GALNTL6: variants seen among roughly 807,000 people sequenced by gnomAD.
The protein encoded by GALNTL6 is polypeptide N-acetylgalactosaminyltransferase like 6, also known as polypeptide N-acetylgalactosaminyltransferase-like 6.
A neutral mutation model predicts 73.7 loss-of-function variants in GALNTL6; 46 were observed. That is an observed-to-expected ratio of 0.62 (90% confidence interval 0.49 to 0.80). The LOEUF is 0.80. GALNTL6 is among the 30% of genes least tolerant of loss of function. The pLI, the probability that GALNTL6 is intolerant of heterozygous loss-of-function variation, is 0.00. For synonymous variants in GALNTL6, 259 were observed against 263.7 expected (o/e 0.98, Z 0.17); for missense variants, 604 against 755.0 (o/e 0.80, Z 2.34).
intron 5 of GALNTL6, among the ~76,000 whole-genome samples, chr4:172,695,135 G>A (rs890926735): frequency 6.6e-6 from 1 of 152,120 alleles, no homozygotes; most frequent in Non-Finnish European, 1.5e-5. Flanking sequence ...CCCTATAAAT[G>A]TCAGTCCTCT....
chr4:172,892,785 T>C (rs981627027), intron 8 of GALNTL6, among the ~76,000 whole-genome samples: 3 of 152,140 alleles, frequency 2.0e-5, no homozygotes, highest in African/African-American at 4.8e-5. Flanking sequence ...TTTTCAATTA[T>C]TGGTGTTGCC....
At chr4:172,259,925 T>C (rs1738200878) in intron 3 of GALNTL6, among the ~76,000 whole-genome samples, 1 of 151,770 alleles carries the variant, frequency 6.6e-6, no homozygotes, top group Admixed American at 6.6e-5. Flanking sequence ...TGTAAGTGTT[T>C]GGGTTTATTT....
At chr4:171,895,797 A>G (rs1033058067) in intron 2 of GALNTL6, among the ~76,000 whole-genome samples, 2 of 152,188 alleles carry the variant, frequency 1.3e-5, no homozygotes, top group South Asian at 2.1e-4. Context: ...ACCATACTCA[A>G]TTACATAAAA....
At chr4:172,546,798 G>GTA (rs74218672) in intron 5 of GALNTL6, among the ~76,000 whole-genome samples, 651 of 14,664 alleles carry the variant, frequency 0.044, 27 homozygotes, top group Middle Eastern at 0.059. Flanking sequence ...ATATATATAC[G>GTA]TATATATACG....
At chr4:172,605,024 A>T (rs1330287387) in intron 5 of GALNTL6, among the ~76,000 whole-genome samples, 1 of 152,208 alleles carries the variant, frequency 6.6e-6, no homozygotes, top group Non-Finnish European at 1.5e-5. Flanking sequence ...CACTTTTGTA[A>T]CTGTGAAAGC....
At chr4:172,813,467 C>G in intron 6 of GALNTL6, 73 bp from the exon 7 acceptor site, 1 of 1,300,400 alleles carries the variant, frequency 7.7e-7, no homozygotes, top group Non-Finnish European at 1.1e-6. Flanking sequence ...GGACTGTAGG[C>G]TTCTCTTTGC....
intron 7 of GALNTL6, among the ~76,000 whole-genome samples, chr4:172,863,538 A>G (rs940061843): frequency 6.6e-6 from 1 of 152,210 alleles, no homozygotes; most frequent in African/African-American, 2.4e-5. Flanking sequence ...TGGAATCTGT[A>G]GCCCCTTTGT....
Position 172,324,609 on chromosome 4 carries a change from A to G in GALNTL6, c.386+12857A>G, listed in dbSNP as rs143562783. Among the ~76,000 whole-genome samples the G allele has an allele frequency of 8.1e-3, 1,230 of 151,402 alleles. 13 individuals carry two copies. The highest frequency in any genetic ancestry group is 0.028 in the African/African-American group (1,176 of 41,522). On this transcript the variant is annotated intron_variant, in intron 4 of 12. Transcript: ENST00000506823. ...TATTTATTTATATTTATTGGCTACTATATTTAATAATGGCATAATAAATAT... is the reference window on the plus strand; with the variant it reads ...TATTTATTTATATTTATTGGCTACTGTATTTAATAATGGCATAATAAATAT...
chr4:172,085,882 A>G (rs571730351), intron 2 of GALNTL6, among the ~76,000 whole-genome samples: 82 of 152,170 alleles, frequency 5.4e-4, no homozygotes, highest in African/African-American at 1.8e-3. Flanking sequence ...TTTTCATTTC[A>G]TGACTTCTCT....
At chr4:172,470,063 A>C (rs1008316484) in intron 5 of GALNTL6, among the ~76,000 whole-genome samples, 1 of 152,192 alleles carries the variant, frequency 6.6e-6, no homozygotes, top group Non-Finnish European at 1.5e-5. Flanking sequence ...AAGAACTGTA[A>C]AGTTGTACAC....
At chr4:172,815,887 C>A (rs754413684) in intron 7 of GALNTL6, among the ~76,000 whole-genome samples, 1 of 152,146 alleles carries the variant, frequency 6.6e-6, no homozygotes, top group Non-Finnish European at 1.5e-5. Context: ...ATGTAACTTG[C>A]AGGAGGTGTC....
chr4:172,336,265 G>GTTTTTTTTTT (rs1453823455), intron 4 of GALNTL6, among the ~76,000 whole-genome samples: 1 of 25,694 alleles, frequency 3.9e-5, no homozygotes, highest in African/African-American at 9.6e-5. Context: ...TCTTGGTATA[G>GTTTTTTTTTT]TTTTGTTTTG....
Position 172,238,104 on chromosome 4 carries a change from T to G in GALNTL6, c.247+8340T>G, listed in dbSNP as rs75603831. Reference sequence around the variant, plus strand: ...GTTTCATGTGAATTTTAAAATAGCTTTTTTTAGTTGTGTGTTTAGTTTAGT... The same window carrying G: ...GTTTCATGTGAATTTTAAAATAGCTGTTTTTAGTTGTGTGTTTAGTTTAGT... On this transcript the variant is annotated intron_variant, in intron 3 of 12. Transcript: ENST00000506823. Among the ~76,000 whole-genome samples, 614 of 152,274 alleles carry G rather than the reference T, an allele frequency of 4.0e-3. 6 individuals are homozygous for G. The highest frequency in any genetic ancestry group is 0.014 in the African/African-American group (587 of 41,558).
At chr4:172,889,161 A>G (rs1745885081) in intron 8 of GALNTL6, among the ~76,000 whole-genome samples, 1 of 152,208 alleles carries the variant, frequency 6.6e-6, no homozygotes, top group Non-Finnish European at 1.5e-5. Context: ...GCCATTTGGC[A>G]GAGTCTGCGG....
intron 2 of GALNTL6, among the ~76,000 whole-genome samples, chr4:171,934,615 C>G (rs1035118226): frequency 2.0e-5 from 3 of 151,920 alleles, no homozygotes; most frequent in Non-Finnish European, 4.4e-5. Flanking sequence ...AGGGTTATAC[C>G]ATGTTACCCA....
intron 5 of GALNTL6, among the ~76,000 whole-genome samples, chr4:172,652,227 AATTCAGGAGTGTCG>A (rs1740506750): frequency 6.6e-6 from 1 of 152,154 alleles, no homozygotes. Context: ...GCAATCTCCA[AATTCAGGAGTGTCG>A]AGGTTATTCA....
intron 10 of GALNTL6, among the ~76,000 whole-genome samples, chr4:172,960,593 G>A (rs576261584): frequency 1.2e-4 from 18 of 152,204 alleles, no homozygotes; most frequent in Admixed American, 7.8e-4. Context: ...GGGATAAGTC[G>A]CATTGGGAAC....
At chr4:172,394,813 A>T (rs1010096641) in intron 5 of GALNTL6, among the ~76,000 whole-genome samples, 2 of 152,116 alleles carry the variant, frequency 1.3e-5, no homozygotes, top group African/African-American at 4.8e-5. Flanking sequence ...TGACAAGCAG[A>T]TATTTACTAA....
chr4:172,313,599 G>A (rs1740440585), intron 4 of GALNTL6, among the ~76,000 whole-genome samples: 2 of 151,370 alleles, frequency 1.3e-5, no homozygotes, highest in Non-Finnish European at 1.5e-5. Context: ...TGTAATAATG[G>A]GAAAAAAATG....
Sources: allele counts gnomAD v4.1 joint callset (sites outside exome capture counted in the v4.1 genomes callset), GRCh38; gene constraint gnomAD v4.1.1; transcripts MANE v1.5; gene names NCBI Gene and HGNC (gene_info 2026-07-23, HGNC 2026-07-21).